Variants in CTNNBL1 observed in about 807,000 individuals in gnomAD.
The protein encoded by CTNNBL1 is catenin beta like 1.
CTNNBL1 carries 31 observed loss-of-function variants against 72.7 expected under a neutral mutation model. That is an observed-to-expected ratio of 0.43 (90% CI 0.32 to 0.58). The LOEUF is 0.58. Among genes scored for constraint, CTNNBL1 ranks in the 20% least tolerant of loss-of-function variants. CTNNBL1 has a pLI of 0.08. For missense variants in CTNNBL1, 534 were observed against 725.1 expected (o/e 0.74, Z 3.03); for synonymous variants, 240 against 267.3 (o/e 0.90, Z 1.00).
intron 1 of CTNNBL1, among the ~76,000 whole-genome samples, chr20:37,709,895 A>G (rs1251960185): frequency 1.3e-5 from 2 of 152,208 alleles, no homozygotes; most frequent in Non-Finnish European, 2.9e-5. Context: ...CAGACTTTCC[A>G]GGTAACTGAA....
In CTNNBL1 at chr20:37,807,914, C is replaced by T. The variant is rs78473558; in HGVS notation, c.1213+4866C>T. ...AGGGAAGAAGAAAAGAGGTGGGATC[C>T]AGAAATGGCATCCGACCTTTACTTC... On this transcript the variant is annotated intron_variant, in intron 11 of 15. Coordinates refer to ENST00000361383, the MANE Select transcript of CTNNBL1 (RefSeq NM_030877.5). Among the ~76,000 whole-genome samples the T allele has an allele frequency of 1.3e-3, 201 of 152,218 alleles. 1 individual carries two copies. Among genetic ancestry groups the T allele is most frequent in the African/African-American group, 4.6e-3 (191 of 41,538 alleles).
At chr20:37,816,639 T>C (rs1238707016) in intron 11 of CTNNBL1, among the ~76,000 whole-genome samples, 2 of 152,218 alleles carry the variant, frequency 1.3e-5, no homozygotes. Context: ...TCATTGTTTT[T>C]CCCGTCTCTT....
At chr20:37,821,789 G>C (rs556289878) in intron 11 of CTNNBL1, among the ~76,000 whole-genome samples, 20 of 152,196 alleles carry the variant, frequency 1.3e-4, no homozygotes, top group African/African-American at 4.3e-4. Context: ...TTTTGTTGTG[G>C]AGGGCTCCCC....
At chr20:37,741,594 A>C (rs1273289729) in intron 3 of CTNNBL1, among the ~76,000 whole-genome samples, 1 of 152,210 alleles carries the variant, frequency 6.6e-6, no homozygotes, top group Non-Finnish European at 1.5e-5. Context: ...TTTATATTTA[A>C]TGGAGGCCAG....
chr20:37,721,218 T>C (rs1389402655), intron 1 of CTNNBL1, among the ~76,000 whole-genome samples: 1 of 152,234 alleles, frequency 6.6e-6, no homozygotes, highest in Non-Finnish European at 1.5e-5. Context: ...CCCGCTCATA[T>C]ATTCCCCTGT....
chr20:37,746,640 C>G (rs765770248), intron 4 of CTNNBL1, 33 bp downstream of exon 4: 3 of 1,613,616 alleles, frequency 1.9e-6, no homozygotes, highest in South Asian at 2.2e-5. Context: ...AGTAGGAGAG[C>G]TGACATGGTG....
intron 11 of CTNNBL1, among the ~76,000 whole-genome samples, chr20:37,830,460 C>T (rs1461470567): frequency 6.6e-6 from 1 of 152,162 alleles, no homozygotes; most frequent in African/African-American, 2.4e-5. Flanking sequence ...CATTTTAAAA[C>T]TTCAACAGAG....
intron 15 of CTNNBL1, among the ~76,000 whole-genome samples, chr20:37,868,701 G>T (rs138990503): frequency 6.6e-6 from 1 of 152,140 alleles, no homozygotes; most frequent in Admixed American, 6.5e-5. Flanking sequence ...GCGAGGCCTC[G>T]GCACAGGTGA....
intron 5 of CTNNBL1, among the ~76,000 whole-genome samples, chr20:37,759,182 T>G (rs961359136): frequency 6.6e-6 from 1 of 152,340 alleles, no homozygotes; most frequent in East Asian, 1.9e-4. Flanking sequence ...TATTTTTCGT[T>G]TGAACCACTG....
chr20:37,794,735 C>A (rs1600492243), intron 10 of CTNNBL1, among the ~76,000 whole-genome samples: 1 of 152,100 alleles, frequency 6.6e-6, no homozygotes, highest in East Asian at 1.9e-4. Flanking sequence ...CTCCTGGCCT[C>A]AAGTGATCTT....
intron 1 of CTNNBL1, among the ~76,000 whole-genome samples, chr20:37,721,428 T>A (rs931162742): frequency 2.0e-5 from 3 of 152,220 alleles, no homozygotes; most frequent in African/African-American, 7.2e-5. Context: ...TTATAAACCC[T>A]TAATCAACAG....
chr20:37,709,186 A>G (rs980736408), intron 1 of CTNNBL1, among the ~76,000 whole-genome samples: 1 of 152,210 alleles, frequency 6.6e-6, no homozygotes, highest in Non-Finnish European at 1.5e-5. Context: ...GAGTATCATG[A>G]TGCTTCTCTC....
At chr20:37,868,291 G>A (rs2072553911) in intron 15 of CTNNBL1, among the ~76,000 whole-genome samples, 1 of 69,360 alleles carries the variant, frequency 1.4e-5, no homozygotes, top group Non-Finnish European at 3.1e-5. Context: ...TTTTTTAGGG[G>A]CCTTTTTTTT....
rs1339536327 is a variant in CTNNBL1, at chr20:37,732,555, A to G, written c.31-324A>G. On this transcript the variant is annotated intron_variant, in intron 1 of 15. Coordinates refer to ENST00000361383, the MANE Select transcript of CTNNBL1 (RefSeq NM_030877.5). Reference sequence around the variant, plus strand: ...AAATTCCCACTGACTTTCATGGTATATTTATAGAATCATTAAGGATCTGAA... The same window carrying G: ...AAATTCCCACTGACTTTCATGGTATGTTTATAGAATCATTAAGGATCTGAA... Among the ~76,000 whole-genome samples, 3 of 152,250 alleles carry G rather than the reference A, an allele frequency of 2.0e-5. No homozygotes were observed. The East Asian group carries it at 5.8e-4, about 29-fold the overall frequency.
At chr20:37,810,776 G>A (rs923919317) in intron 11 of CTNNBL1, among the ~76,000 whole-genome samples, 1 of 152,200 alleles carries the variant, frequency 6.6e-6, no homozygotes, top group Non-Finnish European at 1.5e-5. Context: ...TGTATAGCTA[G>A]TTATTGTGAT....
At chr20:37,823,861 G>C (rs1311095312) in intron 11 of CTNNBL1, among the ~76,000 whole-genome samples, 1 of 152,194 alleles carries the variant, frequency 6.6e-6, no homozygotes, top group Non-Finnish European at 1.5e-5. Context: ...TCAGCCTTGG[G>C]TGTGTGGCTC....
chr20:37,768,838 G>T (rs1001127660), intron 7 of CTNNBL1, among the ~76,000 whole-genome samples: 1 of 152,074 alleles, frequency 6.6e-6, no homozygotes, highest in African/African-American at 2.4e-5. Context: ...GAGTACAGTG[G>T]CATGATCTTG....
At chr20:37,868,005 T>G (rs373303499) in intron 15 of CTNNBL1, among the ~76,000 whole-genome samples, 6 of 152,170 alleles carry the variant, frequency 3.9e-5, no homozygotes, top group Admixed American at 1.3e-4. Context: ...GCCGGCTCAC[T>G]GTGGGACCCT....
intron 13 of CTNNBL1, among the ~76,000 whole-genome samples, chr20:37,849,407 C>T (rs1305430162): frequency 1.3e-5 from 2 of 152,200 alleles, no homozygotes; most frequent in Non-Finnish European, 2.9e-5. Context: ...AGATACATCC[C>T]TCACCCTCGT....
Sources: allele counts gnomAD v4.1 joint callset (sites outside exome capture counted in the v4.1 genomes callset), GRCh38; gene constraint gnomAD v4.1.1; transcripts MANE v1.5; gene names NCBI Gene and HGNC (gene_info 2026-07-23, HGNC 2026-07-21).